NRG3: variants seen among roughly 807,000 people sequenced by gnomAD.
The protein encoded by NRG3 is pro-neuregulin-3, membrane-bound isoform.
Under a neutral mutation model 66.9 loss-of-function variants are expected in NRG3, and 31 were observed. The observed-to-expected ratio is 0.46, with a 90% confidence interval of 0.35 to 0.63. The LOEUF (loss-of-function observed/expected upper bound fraction) is 0.63. Among genes scored for constraint, NRG3 ranks in the 20% least tolerant of loss-of-function variants. NRG3 has a pLI of 0.00. For missense variants in NRG3, 910 were observed against 878.9 expected (o/e 1.04, Z -0.45); for synonymous variants, 393 against 359.4 (o/e 1.09, Z -1.06).
chr10:82,984,538 A>G (rs998668225), intron 8 of NRG3, among the ~76,000 whole-genome samples: 1 of 152,172 alleles, frequency 6.6e-6, no homozygotes, highest in Admixed American at 6.5e-5. Flanking sequence ...GCCAGTGGAA[A>G]TTGGATTTGG....
intron 2 of NRG3, among the ~76,000 whole-genome samples, chr10:82,380,726 A>G (rs2085561730): frequency 6.6e-6 from 1 of 152,168 alleles, no homozygotes; most frequent in African/African-American, 2.4e-5. Context: ...ACATTGGTAT[A>G]ACAACTTTGG....
intron 1 of NRG3, among the ~76,000 whole-genome samples, chr10:82,277,499 G>A (rs1564740546): frequency 1.3e-5 from 2 of 152,046 alleles, no homozygotes; most frequent in South Asian, 2.1e-4. Context: ...CTACTTGGGG[G>A]ATAGATAATA....
intron 3 of NRG3, among the ~76,000 whole-genome samples, chr10:82,779,690 C>A (rs1021932065): frequency 6.6e-6 from 1 of 151,856 alleles, no homozygotes; most frequent in East Asian, 1.9e-4. Flanking sequence ...TTTCCTTATT[C>A]ATGTTTTCTA....
intron 1 of NRG3, among the ~76,000 whole-genome samples, chr10:81,975,162 G>T (rs1241783250): frequency 1.3e-5 from 2 of 151,936 alleles, no homozygotes; most frequent in African/African-American, 4.8e-5. Context: ...TTTATCCAAG[G>T]TGCCAGTATC....
intron 2 of NRG3, among the ~76,000 whole-genome samples, chr10:82,643,591 A>G (rs1204916471): frequency 1.3e-5 from 2 of 152,128 alleles, no homozygotes; most frequent in Non-Finnish European, 2.9e-5. Context: ...TAAAACCTAC[A>G]AACTGTGAGG....
intron 1 of NRG3, among the ~76,000 whole-genome samples, chr10:81,981,853 T>G (rs777232808): frequency 2.0e-5 from 3 of 152,196 alleles, no homozygotes; most frequent in Non-Finnish European, 4.4e-5. Flanking sequence ...TCTGTCCCCT[T>G]TAGTCCAAGC....
chr10:82,714,072 T>G (rs1434424192), intron 2 of NRG3, among the ~76,000 whole-genome samples: 2 of 152,208 alleles, frequency 1.3e-5, no homozygotes, highest in South Asian at 2.1e-4. Flanking sequence ...TAACTTATGA[T>G]AACAATCCAG....
intron 2 of NRG3, among the ~76,000 whole-genome samples, chr10:82,454,551 A>G (rs2091183514): frequency 6.6e-6 from 1 of 152,260 alleles, no homozygotes; most frequent in Non-Finnish European, 1.5e-5. Context: ...GCTAGTATTT[A>G]CAATGAATGA....
chr10:82,179,426 A>G (rs1431976584), intron 1 of NRG3, among the ~76,000 whole-genome samples: 2 of 152,012 alleles, frequency 1.3e-5, no homozygotes, highest in Non-Finnish European at 2.9e-5. Flanking sequence ...CTTTTTATAT[A>G]TGCTGCAATA....
intron 3 of NRG3, among the ~76,000 whole-genome samples, chr10:82,770,219 G>A (rs925592182): frequency 4.6e-5 from 7 of 152,018 alleles, no homozygotes; most frequent in Admixed American, 1.3e-4. Context: ...AATTATAAAA[G>A]TGAAAGGCTT....
intron 1 of NRG3, among the ~76,000 whole-genome samples, chr10:82,043,532 G>A (rs2063135472): frequency 6.6e-6 from 1 of 151,924 alleles, no homozygotes; most frequent in Non-Finnish European, 1.5e-5. Flanking sequence ...AATAATCCCA[G>A]TCCTTAACTT....
chr10:82,658,636 A>G (rs1009464222), intron 2 of NRG3, among the ~76,000 whole-genome samples: 1 of 152,184 alleles, frequency 6.6e-6, no homozygotes, highest in Non-Finnish European at 1.5e-5. Context: ...CTATAATAGA[A>G]AACCGATTAG....
intron 1 of NRG3, among the ~76,000 whole-genome samples, chr10:81,884,883 A>T (rs1842495829): frequency 6.6e-6 from 1 of 151,572 alleles, no homozygotes; most frequent in African/African-American, 2.4e-5. Flanking sequence ...AAACATATCC[A>T]TCACCTCCAA....
chr10:82,930,662 C>A (rs1179589448), intron 4 of NRG3, among the ~76,000 whole-genome samples: 1 of 152,102 alleles, frequency 6.6e-6, no homozygotes, highest in East Asian at 1.9e-4. Context: ...TCCATATTTT[C>A]TTTTAGGGTA....
At chr10:82,886,990 G>A (rs181633393) in intron 4 of NRG3, among the ~76,000 whole-genome samples, 210 of 152,294 alleles carry the variant, frequency 1.4e-3, no homozygotes, top group African/African-American at 4.9e-3. Flanking sequence ...TAGCAAAGAT[G>A]CATTATCACA....
intron 1 of NRG3, among the ~76,000 whole-genome samples, chr10:82,312,556 G>A (rs528449922): frequency 1.3e-5 from 2 of 152,178 alleles, no homozygotes; most frequent in Non-Finnish European, 2.9e-5. Context: ...AATGCAATGT[G>A]ATTGTATTCA....
intron 2 of NRG3, among the ~76,000 whole-genome samples, chr10:82,502,919 T>G (rs1165987486): frequency 1.3e-5 from 2 of 152,192 alleles, no homozygotes; most frequent in Admixed American, 6.6e-5. Context: ...GTCGACTTAT[T>G]TAAAATGTTA....
chr10:82,508,092 A>C (rs1366225265), intron 2 of NRG3, among the ~76,000 whole-genome samples: 1 of 152,230 alleles, frequency 6.6e-6, no homozygotes, highest in African/African-American at 2.4e-5. Flanking sequence ...TTGTATGTGC[A>C]TTTAGTAGTC....
At chr10:81,950,349 G>C (rs1348384918) in intron 1 of NRG3, among the ~76,000 whole-genome samples, 1 of 152,174 alleles carries the variant, frequency 6.6e-6, no homozygotes, top group East Asian at 1.9e-4. Flanking sequence ...CTGTGTGCCA[G>C]AGCATCCTTT....
Sources: gnomAD v4.1 joint callset for allele counts (sites outside exome capture counted in the v4.1 genomes callset) on GRCh38, gnomAD v4.1.1 for gene constraint, MANE v1.5 for transcripts, NCBI Gene and HGNC (gene_info 2026-07-23, HGNC 2026-07-21) for gene names.